The following STAT5A variants were observed in gnomAD, a reference collection of about 807,000 sequenced individuals.
The protein encoded by STAT5A is epididymis secretory sperm binding protein.
STAT5A carries 26 observed loss-of-function variants against 100.2 expected under a neutral mutation model. That is an observed-to-expected ratio of 0.26 (90% CI 0.19 to 0.36). STAT5A has a LOEUF of 0.36. STAT5A is among the 10% of genes least tolerant of loss of function. The probability of loss-of-function intolerance (pLI) is 1.00; values close to 1 mark genes in which losing one functional copy is unlikely to be tolerated. For missense variants in STAT5A, 634 were observed against 1,027.5 expected, an observed-to-expected ratio of 0.62 and a Z score of 5.24; for synonymous variants, 330 against 424.3, an observed-to-expected ratio of 0.78 and a Z score of 2.73.
chr17:42,292,421 C>T (rs2080878125), intron 4 of STAT5A, among the ~76,000 whole-genome samples: 1 of 151,998 alleles, frequency 6.6e-6, no homozygotes, highest in South Asian at 2.1e-4. Flanking sequence ...CTCTGCCTTC[C>T]AGGTTCACAC....
rs1363166765 is a variant in STAT5A at position 42,301,277 on chromosome 17, C to T, written c.992C>T (p.Thr331Ile). 3 of 1,613,920 alleles carry T rather than the reference C, an allele frequency of 1.9e-6. No individual in the cohort carries two copies. Among genetic ancestry groups the T allele is most frequent in the South Asian group, 2.2e-5 (2 of 91,054 alleles). Reference sequence around the variant, plus strand: ...GTCTGTCCCTGTGTCCCATGCAGCACATTCATCATTGAGAAGCAGCCTCCT... The same window carrying T: ...GTCTGTCCCTGTGTCCCATGCAGCATATTCATCATTGAGAAGCAGCCTCCT... ...TDIISALVTS[T>I]FIIEKQPPQV... Residue 331 changes from threonine to isoleucine, a missense_variant and splice_region_variant, in exon 9 of 19, where the codon ACA (threonine) becomes ATA (isoleucine). By Grantham distance (89) the Thr-to-Ile change is moderately conservative. Around this residue, in one of 5 missense-constraint regions of STAT5A, gnomAD observed 98 missense variants for 149.7 expected, o/e 0.65. Transcript: ENST00000590949.
At chr17:42,289,235 C>A in intron 1 of STAT5A, 167 bp from the exon 2 acceptor site, 1 of 686,598 alleles carries the variant, frequency 1.5e-6, no homozygotes, top group Non-Finnish European at 2.2e-6. Flanking sequence ...GGATGGGCGG[C>A]CCTCCACTCC....
chr17:42,291,871 G>T, intron 3 of STAT5A, 101 bp from the exon 4 acceptor site: 1 of 1,279,844 alleles, frequency 7.8e-7, no homozygotes, highest in Non-Finnish European at 1.1e-6. Flanking sequence ...CCTGGGAAAA[G>T]CTGAGGCAGA....
At position 42,304,678 on chromosome 17, in the gene STAT5A, C is replaced by G. The variant is rs775554371; in HGVS notation, c.1380+26C>G. 1.9e-6 allele frequency: 3 copies of G among 1,612,828 alleles called. No homozygotes were observed. Among genetic ancestry groups the G allele is most frequent in the Admixed American group, 3.3e-5 (2 of 59,962 alleles). On this transcript the variant is annotated intron_variant, in intron 11 of 18. Transcript: ENST00000590949. This position sits in a 1 kb window ranked among gnomAD's most constrained non-coding sequence, Gnocchi z 4.8. Reference sequence around the variant, plus strand: ...GTGAGACCCCCAGCCCTCCTGCCCCCACTGCTCCAGGTCACCCAAGAGGTG... The same window carrying G: ...GTGAGACCCCCAGCCCTCCTGCCCCGACTGCTCCAGGTCACCCAAGAGGTG...
intron 4 of STAT5A, among the ~76,000 whole-genome samples, chr17:42,294,740 G>A (rs1026446978): frequency 1.3e-5 from 2 of 152,204 alleles, no homozygotes; most frequent in East Asian, 1.9e-4. Flanking sequence ...CATTCCCAGC[G>A]AGCTGGGGTT....
Position 42,301,430 on chromosome 17 carries a change from T to C in STAT5A, c.1145T>C (p.Leu382Pro). The C allele has an allele frequency of 1.2e-6, 2 of 1,614,164 alleles. No individual in the cohort carries two copies. Among genetic ancestry groups the C allele is most frequent in the Non-Finnish European group, 1.7e-6 (2 of 1,180,036 alleles). ...TIISEQQAKS[L>P]LKNENTRNEC... Reference sequence around the variant, plus strand: ...ATCAGTGAGCAGCAGGCCAAGTCTCTGCTTAAAAATGAGAACACCCGCAAG... The same window carrying C: ...ATCAGTGAGCAGCAGGCCAAGTCTCCGCTTAAAAATGAGAACACCCGCAAG... The change falls in exon 9 of 19, where the codon CTG becomes CCG. Residue 382 changes from leucine to proline, a missense_variant. Around this residue, in one of 5 missense-constraint regions of STAT5A, gnomAD observed 98 missense variants for 149.7 expected, o/e 0.65. Transcript: ENST00000590949.
At chr17:42,295,597 T>C (rs983834089) in intron 4 of STAT5A, 22 bp from the exon 5 acceptor site, 1 of 1,608,010 alleles carries the variant, frequency 6.2e-7, no homozygotes, top group African/African-American at 1.3e-5. Flanking sequence ...CCCCGAGTTA[T>C]TTCCATTCCA....
rs572243168 is a variant in STAT5A at position 42,305,525 on chromosome 17, A to T, written c.1381-85A>T. On this transcript the variant is annotated intron_variant, in intron 11 of 18. Coordinates refer to ENST00000590949, the MANE Select transcript of STAT5A (RefSeq NM_001288718.2). Reference sequence around the variant, plus strand: ...ATCAAAAAAAAAAATACATAAAAAAAAATAAAGCAGATTGGGCATGTTGCC... The same window carrying T: ...ATCAAAAAAAAAAATACATAAAAAATAATAAAGCAGATTGGGCATGTTGCC... 425 of 1,157,620 alleles carry T rather than the reference A, an allele frequency of 3.7e-4. 2 individuals carry two copies. Among genetic ancestry groups the T allele is most frequent in the South Asian group, 1.1e-3 (79 of 72,112 alleles). The allele number at this position is 1,157,620 out of a possible 1,614,324, so 71.7% of individuals were successfully genotyped here.
Position 42,304,222 on chromosome 17 carries a change from A to C in STAT5A, c.1170-120A>C. Reference sequence around the variant, plus strand: ...AGACGCCAAGAAACACTCTTAGGGGATACGGGGCAGGGGCTGCTGGCAGGG... The same window carrying C: ...AGACGCCAAGAAACACTCTTAGGGGCTACGGGGCAGGGGCTGCTGGCAGGG... On this transcript the variant is annotated intron_variant, in intron 9 of 18. Transcript: ENST00000590949. The surrounding 1 kb of genome is among the most constrained non-coding windows in gnomAD (Gnocchi z 4.8). 2.3e-6 allele frequency: 2 copies of C among 881,762 alleles called. No individual in the cohort carries two copies. The highest frequency in any genetic ancestry group is 3.0e-5 in the South Asian group (2 of 66,128). The allele number at this position is 881,762 out of a possible 1,614,324, so 54.6% of individuals were successfully genotyped here. A position where few individuals can be genotyped will look rare whatever the true frequency, so the allele number is the denominator to read the frequency against.
In STAT5A at chr17:42,308,260, G is replaced by C; in HGVS notation, c.1989G>C (p.Leu663=). The change falls in exon 16 of 19, where the codon CTG becomes CTC. Residue 663 remains leucine, a synonymous_variant. Coordinates refer to ENST00000590949, the MANE Select transcript of STAT5A (RefSeq NM_001288718.2). The surrounding 1 kb of genome is among the most constrained non-coding windows in gnomAD (Gnocchi z 4.6). The part of the protein sequence containing the change: ...IRSLADRLGD[L]SYLIYVFPDR... ...CCCTGGCTGACCGGCTGGGGGACCT[G>C]AGCTATCTCATCTATGTGTTTCCTG... The C allele has an allele frequency of 1.9e-6, 3 of 1,614,204 alleles. No individual in the cohort carries two copies. In the South Asian group the frequency reaches 3.3e-5, roughly 18 times the overall value.
At position 42,308,498 on chromosome 17, in the gene STAT5A, CAAATG is replaced by C; in HGVS notation, c.2062+167_2062+171del. 1.1e-6 allele frequency: 1 copy of C among 883,940 alleles called. No individual in the cohort carries two copies. Among genetic ancestry groups the C allele is most frequent in the Non-Finnish European group, 1.7e-6 (1 of 587,892 alleles). 54.8% of individuals were successfully genotyped at this position (883,940 alleles called of 1,614,324 possible). ...GTGGTGGAGAGGATTTCAGGGCTCACAAATGAGGAGAGGGAACGAGAAACCCGTCC... is the reference window on the plus strand; with the variant it reads ...GTGGTGGAGAGGATTTCAGGGCTCACAGGAGAGGGAACGAGAAACCCGTCC... On this transcript the variant is annotated intron_variant, in intron 16 of 18. Transcript: ENST00000590949. The surrounding 1 kb of genome is among the most constrained non-coding windows in gnomAD (Gnocchi z 4.6).
chr17:42,303,490 G>A (rs1363008348), intron 9 of STAT5A, among the ~76,000 whole-genome samples: 7 of 152,114 alleles, frequency 4.6e-5, no homozygotes, highest in Non-Finnish European at 1.5e-5. Context: ...TGGAAGGATC[G>A]TTTGAGATCA....
At chr17:42,298,863 T>C (rs1356742269) in intron 5 of STAT5A, among the ~76,000 whole-genome samples, 10 of 152,156 alleles carry the variant, frequency 6.6e-5, no homozygotes, top group Non-Finnish European at 1.2e-4. Flanking sequence ...TCCTCACAGA[T>C]GGTGTGGAGG....
chr17:42,293,859 A>G (rs993635864), intron 4 of STAT5A, among the ~76,000 whole-genome samples: 3 of 152,190 alleles, frequency 2.0e-5, no homozygotes, highest in South Asian at 4.1e-4. Flanking sequence ...ACATTGGAAG[A>G]CTTGTAAGTG....
At chr17:42,291,482 C>T (rs1040913448) in intron 3 of STAT5A, among the ~76,000 whole-genome samples, 11 of 151,990 alleles carry the variant, frequency 7.2e-5, no homozygotes, top group African/African-American at 2.7e-4. Context: ...TTTGGGAGGC[C>T]GAGGCGGGTG....
Position 42,310,981 on chromosome 17 carries a change from C to G in STAT5A, c.*312C>G. On this transcript the variant is annotated 3_prime_UTR_variant, in exon 19 of 19. Coordinates refer to ENST00000590949, the MANE Select transcript of STAT5A (RefSeq NM_001288718.2). The stretch of plus-strand genomic sequence containing the variant: ...AGCCAGACCTATTCCTCCTGGGCCC[C>G]TCATCTGCTCAGCAGCTATTTGAAT... 2.8e-6 allele frequency: 1 copy of G among 363,398 alleles called. No individual in the cohort carries two copies. Among genetic ancestry groups the G allele is most frequent in the Non-Finnish European group, 5.2e-6 (1 of 191,726 alleles). The allele number at this position is 363,398 out of a possible 1,614,324, so 22.5% of individuals were successfully genotyped here. A position where few individuals can be genotyped will look rare whatever the true frequency, so the allele number is the denominator to read the frequency against.
Position 42,308,710 on chromosome 17 carries a change from G to A in STAT5A, c.2063-337G>A, listed in dbSNP as rs2081052550. 8.2e-6 allele frequency: 4 copies of A among 489,460 alleles called. No individual in the cohort carries two copies. Among genetic ancestry groups the A allele is most frequent in the Non-Finnish European group, 7.4e-6 (2 of 270,150 alleles). The allele number at this position is 489,460 out of a possible 1,614,324, so 30.3% of individuals were successfully genotyped here. ...CAAACCTTCCCCCGAGTGGAGTGCA[G>A]GCAGCAAAAGGGAGAAGTCTCTCTT... On this transcript the variant is annotated intron_variant, in intron 16 of 18. Transcript: ENST00000590949. This position sits in a 1 kb window ranked among gnomAD's most constrained non-coding sequence, Gnocchi z 4.6.
Position 42,304,753 on chromosome 17 carries a change from T to G in STAT5A, c.1380+101T>G, listed in dbSNP as rs2081012532. 1.3e-6 allele frequency: 2 copies of G among 1,550,410 alleles called. No homozygotes were observed. Among genetic ancestry groups the G allele is most frequent in the East Asian group, 4.5e-5 (2 of 44,528 alleles). ...GCAGCAATGCCATCGGACAGCCTGC[T>G]TTGACTCTGTGGGTCCCTGTTTGAT... is the stretch of plus-strand genomic sequence containing the variant. On this transcript the variant is annotated intron_variant, in intron 11 of 18. Coordinates refer to ENST00000590949, the MANE Select transcript of STAT5A (RefSeq NM_001288718.2). This position sits in a 1 kb window ranked among gnomAD's most constrained non-coding sequence, Gnocchi z 4.8.
At chr17:42,291,522 G>C (rs981242230) in intron 3 of STAT5A, among the ~76,000 whole-genome samples, 1 of 152,030 alleles carries the variant, frequency 6.6e-6, no homozygotes, top group Non-Finnish European at 1.5e-5. Flanking sequence ...TTCGAGACCA[G>C]CCTGACCAAC....
Sources: allele counts gnomAD v4.1 joint callset (sites outside exome capture counted in the v4.1 genomes callset), GRCh38; gene constraint gnomAD v4.1.1; regional missense constraint gnomAD v4.1.1; non-coding constraint Gnocchi (gnomAD v3.1); transcripts MANE v1.5; gene names NCBI Gene and HGNC (gene_info 2026-07-23, HGNC 2026-07-21).